RUFY2: variants seen among roughly 807,000 people sequenced by gnomAD.
RUFY2 encodes RUN and FYVE domain-containing protein 2.
RUFY2 carries 49 observed loss-of-function variants against 94.4 expected under a neutral mutation model. That is an observed-to-expected ratio of 0.52 (90% CI 0.41 to 0.66). RUFY2 has a LOEUF of 0.66. Among genes scored for constraint, RUFY2 ranks in the 30% least tolerant of loss-of-function variants. The probability of loss-of-function intolerance (pLI) is 0.00; values close to 1 mark genes in which losing one functional copy is unlikely to be tolerated. For synonymous variants in RUFY2, 255 were observed against 235.7 expected (o/e 1.08, Z -0.75); for missense variants, 541 against 692.8 (o/e 0.78, Z 2.46).
At chr10:68,365,676 T>C (rs922891886) in intron 13 of RUFY2, among the ~76,000 whole-genome samples, 2 of 152,270 alleles carry the variant, frequency 1.3e-5, no homozygotes, top group Admixed American at 6.5e-5. Context: ...GGTCTTTAAT[T>C]AGCAGTTTAG....
At position 68,344,691 on chromosome 10, in the gene RUFY2, AAAAG is replaced by A. The variant is rs1420652764; in HGVS notation, c.*1073_*1076del. The A allele has an allele frequency of 1.3e-5, 2 of 152,396 alleles. No homozygotes were observed. Among genetic ancestry groups the A allele is most frequent in the African/African-American group, 2.4e-5 (1 of 41,448 alleles). 9.4% of individuals were successfully genotyped at this position (152,396 alleles called of 1,614,324 possible). On this transcript the variant is annotated 3_prime_UTR_variant, in exon 18 of 18. Transcript: ENST00000602465. ...AAGAGTGAAACTCCATCTCGAAAAA[AAAAG>A]AAATAGGTCAAGTGTATATTTCATC...
At chr10:68,355,598 T>G (rs1163781914) in intron 15 of RUFY2, 197 bp from the exon 16 acceptor site, 2 of 435,022 alleles carry the variant, frequency 4.6e-6, no homozygotes, top group African/African-American at 2.1e-5. Context: ...TATTTTAGAT[T>G]TAAAACTTGC....
intron 13 of RUFY2, among the ~76,000 whole-genome samples, chr10:68,366,486 T>C (rs2047828561): frequency 1.3e-5 from 2 of 151,506 alleles, no homozygotes; most frequent in Admixed American, 1.3e-4. Context: ...CTTATGCCTG[T>C]AACTCCAGCA....
chr10:68,357,235 T>C (rs1285427938), intron 15 of RUFY2, among the ~76,000 whole-genome samples: 1 of 147,526 alleles, frequency 6.8e-6, no homozygotes, highest in Non-Finnish European at 1.5e-5. Context: ...ATAACTTTGT[T>C]TTTTTTTTTT....
chr10:68,369,462 G>A (rs1330109477), intron 13 of RUFY2, among the ~76,000 whole-genome samples: 1 of 148,612 alleles, frequency 6.7e-6, no homozygotes, highest in Non-Finnish European at 1.5e-5. Flanking sequence ...TACAGCCTGG[G>A]CAACAGAGCC....
In RUFY2 at chr10:68,358,192, A is replaced by AAAAC. The variant is rs748900261; in HGVS notation, c.1551-2795_1551-2792dup. On this transcript the variant is annotated intron_variant, in intron 15 of 17. Transcript: ENST00000602465. Reference sequence around the variant, plus strand: ...AACAGAGCGAGACTCTTATCTCCAAAAAACAAACAAACAAACAAACAACAA... The same window carrying AAAAC: ...AACAGAGCGAGACTCTTATCTCCAAAAAACAAACAAACAAACAAACAAACAACAA... Among the ~76,000 whole-genome samples the AAAAC allele has an allele frequency of 1.6e-4, 25 of 152,276 alleles. No homozygotes were observed. The South Asian group carries it at 2.1e-3, about 13-fold the overall frequency.
chr10:68,378,775 G>T, intron 12 of RUFY2: 1 of 731,828 alleles, frequency 1.4e-6, no homozygotes, highest in South Asian at 2.0e-5. Flanking sequence ...AGAAGAAAGA[G>T]GATGTCAATA....
At chr10:68,351,249 A>G (rs1240720053) in intron 16 of RUFY2, among the ~76,000 whole-genome samples, 1 of 144,802 alleles carries the variant, frequency 6.9e-6, no homozygotes, top group South Asian at 2.2e-4. Flanking sequence ...CTCCTGCCTC[A>G]GCCTCCTGAG....
intron 7 of RUFY2, among the ~76,000 whole-genome samples, chr10:68,389,849 A>G (rs925834491): frequency 2.0e-5 from 3 of 152,184 alleles, no homozygotes; most frequent in African/African-American, 7.2e-5. Context: ...ATGCTACCTA[A>G]TATGTAAGAA....
intron 12 of RUFY2, chr10:68,378,483 A>G: frequency 7.3e-7 from 1 of 1,372,058 alleles, no homozygotes; most frequent in Non-Finnish European, 9.4e-7. Flanking sequence ...ATTTAATAGC[A>G]TTTAGATTCC....
At chr10:68,378,611 C>A (rs751818768) in intron 12 of RUFY2, 1 of 1,612,646 alleles carries the variant, frequency 6.2e-7, no homozygotes, top group South Asian at 1.1e-5. Context: ...CGTGTCACTG[C>A]TGGCACATTT....
At chr10:68,391,989 CAAACAAAA>C (rs2050027766) in intron 7 of RUFY2, among the ~76,000 whole-genome samples, 1 of 151,254 alleles carries the variant, frequency 6.6e-6, no homozygotes, top group African/African-American at 2.4e-5. Flanking sequence ...AACAAACAAA[CAAACAAAA>C]AAACTATGCA....
rs1185555123 is a variant in RUFY2 at position 68,363,967 on chromosome 10, GT to G, written c.1455+16del. 1 of 1,543,298 alleles carries G rather than the reference GT, an allele frequency of 6.5e-7. No individual in the cohort carries two copies. The highest frequency in any genetic ancestry group is 8.9e-7 in the Non-Finnish European group (1 of 1,126,766). On this transcript the variant is annotated intron_variant, in intron 14 of 17. Transcript: ENST00000602465. Reference sequence around the variant, plus strand: ...CATTTGTCAAGACAGAATTTTTAAAGTTTTACCACTATTTACTTTTTTAAGA... The same window carrying G: ...CATTTGTCAAGACAGAATTTTTAAAGTTTACCACTATTTACTTTTTTAAGA...
intron 16 of RUFY2, among the ~76,000 whole-genome samples, chr10:68,354,504 G>A (rs551436926): frequency 1.3e-5 from 2 of 152,268 alleles, no homozygotes; most frequent in South Asian, 4.1e-4. Context: ...AAGTTGTTGG[G>A]TAGGAAGCCA....
chr10:68,385,212 C>A (rs996776221), intron 8 of RUFY2, among the ~76,000 whole-genome samples: 1 of 151,078 alleles, frequency 6.6e-6, no homozygotes, highest in African/African-American at 2.4e-5. Context: ...TGCAGTGAGC[C>A]GAGATCGCGC....
chr10:68,376,972 T>A lies in RUFY2; in HGVS notation c.1206A>T (p.Arg402Ser). The A allele has an allele frequency of 6.2e-7, 1 of 1,613,432 alleles. No individual in the cohort carries two copies. Among genetic ancestry groups the A allele is most frequent in the Non-Finnish European group, 8.5e-7 (1 of 1,179,914 alleles). Residue 402 changes from arginine to serine, a missense_variant and splice_region_variant, in exon 13 of 18, where the codon AGA becomes AGT. By Grantham distance (110) the Arg-to-Ser change is moderately radical. Transcript: ENST00000602465. ...TTTGCGCCTTCTCTGCTTGCTGCAA[T>A]CTGGTGTAATTCAAATCAACTTTGG... ...ITAAMRQLEQRLQQAEKAQME... is the reference protein window; with the variant it reads ...ITAAMRQLEQSLQQAEKAQME...
At chr10:68,369,563 C>T (rs546284490) in intron 13 of RUFY2, among the ~76,000 whole-genome samples, 1 of 151,866 alleles carries the variant, frequency 6.6e-6, no homozygotes, top group Admixed American at 6.6e-5. Context: ...AGGTCTCTGC[C>T]TTCATGAATG....
chr10:68,392,736 C>A (rs982869659), intron 7 of RUFY2, among the ~76,000 whole-genome samples: 1 of 147,104 alleles, frequency 6.8e-6, no homozygotes, highest in African/African-American at 2.5e-5. Context: ...TCCTGGCCAA[C>A]GTGGTGAAAC....
rs568990321 is a variant in RUFY2 at position 68,365,742 on chromosome 10, G to T, written c.1326-1629C>A. ...GAAACTTAACTCTTCATATCAAGTAGCCTATGATAAAACTGGTTTCATTTA... is the reference window on the plus strand; with the variant it reads ...GAAACTTAACTCTTCATATCAAGTATCCTATGATAAAACTGGTTTCATTTA... On this transcript the variant is annotated intron_variant, in intron 13 of 17. Coordinates refer to ENST00000602465, the MANE Select transcript of RUFY2 (RefSeq NM_001330103.2). Among the ~76,000 whole-genome samples the T allele has an allele frequency of 2.0e-5, 3 of 152,216 alleles. No individual in the cohort carries two copies. In the South Asian group the frequency reaches 6.2e-4, roughly 32 times the overall value.
Sources: gnomAD v4.1 joint callset for allele counts (sites outside exome capture counted in the v4.1 genomes callset) on GRCh38, gnomAD v4.1.1 for gene constraint, MANE v1.5 for transcripts, NCBI Gene and HGNC (gene_info 2026-07-23, HGNC 2026-07-21) for gene names.